TPR: variants seen among roughly 807,000 people sequenced by gnomAD.
TPR encodes the protein nucleoprotein TPR.
TPR carries 51 observed loss-of-function variants against 316.1 expected under a neutral mutation model. The ratio of observed to expected loss-of-function variants is 0.16; its 90% confidence interval spans 0.13 to 0.20. TPR has a LOEUF of 0.20. Among genes scored for constraint, TPR ranks in the 10% least tolerant of loss-of-function variants. The probability of loss-of-function intolerance (pLI) is 1.00; values close to 1 mark genes in which losing one functional copy is unlikely to be tolerated. For missense variants in TPR, 2,272 were observed against 2,754.8 expected, an observed-to-expected ratio of 0.82 and a Z score of 3.92; for synonymous variants, 981 against 914.7, an observed-to-expected ratio of 1.07 and a Z score of -1.31.
In TPR at chr1:186,341,238, A is replaced by T. The variant is rs755923658; in HGVS notation, c.3888+14T>A. 1 of 1,613,440 alleles carries T rather than the reference A, an allele frequency of 6.2e-7. No homozygotes were observed. The highest frequency in any genetic ancestry group is 1.1e-5 in the South Asian group (1 of 90,882). On this transcript the variant is annotated intron_variant, in intron 28 of 50. Transcript: ENST00000367478. ...AAACAACATGCTTCCACTCTTGATA[A>T]CTAAGCAACAAACCTTTGCTTGCAT...
chr1:186,351,362 C>G lies in TPR; in HGVS notation c.2578G>C (p.Glu860Gln). Residue 860 changes from glutamate (E) to glutamine (Q), a missense_variant, in exon 20 of 51, where the codon GAA becomes CAA. Coordinates refer to ENST00000367478, the MANE Select transcript of TPR (RefSeq NM_003292.3). ...HLKKKLENEV[E>Q]QRHTLTRNLD... The stretch of plus-strand genomic sequence containing the variant: ...TTTCTAGTAAGTGTATGCCTTTGTT[C>G]CACCTCATTTTCCAACTTCTTCTTT... 1 of 1,612,066 alleles carries G rather than the reference C, an allele frequency of 6.2e-7. No homozygotes were observed. The highest frequency in any genetic ancestry group is 8.5e-7 in the Non-Finnish European group (1 of 1,179,164).
At chr1:186,361,589 A>G in intron 9 of TPR, 33 bp downstream of exon 9, 1 of 1,603,230 alleles carries the variant, frequency 6.2e-7, no homozygotes, top group Non-Finnish European at 8.5e-7. Flanking sequence ...GTACAATAAC[A>G]AAAATAATGT....
rs377746003 is a variant in TPR, at chr1:186,347,380, T to G, written c.2855A>C (p.Lys952Thr). 1.9e-6 allele frequency: 3 copies of G among 1,613,960 alleles called. No homozygotes were observed. The highest frequency in any genetic ancestry group is 2.5e-6 in the Non-Finnish European group (3 of 1,179,990). The change falls in exon 22 of 51, where the codon AAG becomes ACG. Residue 952 changes from lysine to threonine, a missense_variant. By Grantham distance (78) the Lys-to-Thr change is moderately conservative. Transcript: ENST00000367478. ...RQTEEQVNDL[K>T]ERLKTSTSNV... ...GCTCGTACTTGTTTTGAGTCTCTCCTTTAAGTCATTCACCTGCTCTTCTGT... is the reference window on the plus strand; with the variant it reads ...GCTCGTACTTGTTTTGAGTCTCTCCGTTAAGTCATTCACCTGCTCTTCTGT...
chr1:186,339,691 T>C lies in TPR; in HGVS notation c.4102A>G (p.Ile1368Val), dbSNP rs199705968. ...LSEKEVHTKR[I>V]QQLTEEIGRL... ...CCAATTTCTTCTGTCAATTGTTGAA[T>C]ACGCTTAGTATGAACTTCCTTTTCA... is the stretch of plus-strand genomic sequence containing the variant. The change falls in exon 30 of 51, where the codon ATT (isoleucine) becomes GTT (valine). Residue 1368 changes from isoleucine (I) to valine (V), a missense_variant. By Grantham distance (29) the Ile-to-Val change is conservative. Transcript: ENST00000367478. 2.5e-6 allele frequency: 4 copies of C among 1,599,506 alleles called. No homozygotes were observed. Among genetic ancestry groups the C allele is most frequent in the East Asian group, 2.3e-5 (1 of 43,970 alleles).
chr1:186,313,133 T>G lies in TPR; in HGVS notation c.*838A>C, dbSNP rs539138917. 19 of 523,254 alleles carry G rather than the reference T, an allele frequency of 3.6e-5. No individual in the cohort carries two copies. Among genetic ancestry groups the G allele is most frequent in the African/African-American group, 3.6e-4 (19 of 52,754 alleles). 32.4% of individuals were successfully genotyped at this position (523,254 alleles called of 1,614,324 possible). The stretch of plus-strand genomic sequence containing the variant: ...ACGATAAAACATCCAGTTACTAGAG[T>G]AAACTTGCTACTGACAATAGTATTT... On this transcript the variant is annotated 3_prime_UTR_variant, in exon 51 of 51. Transcript: ENST00000367478.
At position 186,333,155 on chromosome 1, in the gene TPR, G is replaced by A. The variant is rs1405904496; in HGVS notation, c.5422C>T (p.Arg1808Trp). The change falls in exon 37 of 51, where the codon CGG becomes TGG. Residue 1808 changes from arginine (R) to tryptophan (W), a missense_variant. Arg to Trp is a moderately radical substitution (Grantham distance 101). Transcript: ENST00000367478. Reference sequence around the variant, plus strand: ...AATACTGCTGTGGAAGTAGAAGGCCGCTCAACTGGTGAACTCTGAACAACC... The same window carrying A: ...AATACTGCTGTGGAAGTAGAAGGCCACTCAACTGGTGAACTCTGAACAACC... ...VEVVQSSPVE[R>W]PSTSTAVFGT... The A allele has an allele frequency of 4.3e-6, 7 of 1,613,388 alleles. No individual in the cohort carries two copies. The East Asian group carries it at 8.9e-5, about 21-fold the overall frequency.
intron 39 of TPR, among the ~76,000 whole-genome samples, chr1:186,331,051 G>A (rs931528945): frequency 1.3e-5 from 2 of 151,958 alleles, no homozygotes; most frequent in African/African-American, 4.8e-5. Context: ...AAACTGCTAG[G>A]GGAACCTCAA....
intron 39 of TPR, among the ~76,000 whole-genome samples, chr1:186,330,637 AC>A (rs1658131494): frequency 6.6e-6 from 1 of 152,054 alleles, no homozygotes; most frequent in Non-Finnish European, 1.5e-5. Flanking sequence ...TGTAATAAGG[AC>A]CCTGTGAGGC....
rs528408399 is a variant in TPR, at chr1:186,314,198, GAC to G, written c.7037-174_7037-173del. On this transcript the variant is annotated intron_variant, in intron 50 of 50. Coordinates refer to ENST00000367478, the MANE Select transcript of TPR (RefSeq NM_003292.3). ...CAAGCAGATTAATCCCTCTTTTTGT[GAC>G]ACAAGTACAATCTAAAAGTTATATT... 6.4e-4 allele frequency: 370 copies of G among 577,044 alleles called. 4 individuals are homozygous for G. In the East Asian group the frequency reaches 0.011, roughly 17 times the overall value. 35.7% of individuals were successfully genotyped at this position (577,044 alleles called of 1,614,324 possible).
chr1:186,347,537 T>C (rs1658721540), intron 21 of TPR, 79 bp from the exon 22 acceptor site: 10 of 1,427,200 alleles, frequency 7.0e-6, no homozygotes, highest in Non-Finnish European at 9.4e-6. Context: ...CTTATGAAAT[T>C]AGCATTAAGG....
chr1:186,364,160 T>C (rs1233712786), intron 4 of TPR, among the ~76,000 whole-genome samples: 2 of 152,194 alleles, frequency 1.3e-5, no homozygotes, highest in African/African-American at 4.8e-5. Flanking sequence ...TTTTTGCATA[T>C]TTGTCATTGT....
intron 35 of TPR, 61 bp from the exon 36 acceptor site, chr1:186,334,594 AAC>A (rs1430080980): frequency 2.0e-6 from 3 of 1,533,140 alleles, no homozygotes; most frequent in Non-Finnish European, 2.7e-6. Context: ...TACTTTTAAA[AAC>A]ACAGTGAGTA....
chr1:186,336,441 C>T (rs989981791), intron 33 of TPR, 55 bp downstream of exon 33: 1 of 1,559,944 alleles, frequency 6.4e-7, no homozygotes. Flanking sequence ...AGTTTTAGGC[C>T]TGCAACACAT....
At chr1:186,349,518 T>G (rs1658788036) in intron 21 of TPR, among the ~76,000 whole-genome samples, 1 of 150,598 alleles carries the variant, frequency 6.6e-6, no homozygotes, top group South Asian at 2.1e-4. Context: ...AAATGAGCTG[T>G]GCGTTGTGGC....
At chr1:186,367,804 A>T (rs1659392965) in intron 4 of TPR, 82 bp downstream of exon 4, 1 of 934,816 alleles carries the variant, frequency 1.1e-6, no homozygotes, top group East Asian at 2.5e-5. Context: ...TCAGCAACAG[A>T]AATGGGCTGA....
Position 186,365,842 on chromosome 1 carries a change from C to T in TPR, c.427+2044G>A, listed in dbSNP as rs149047609. ...AAGTGGGATGAAGGGTTTCAAGATA[C>T]GGACCTTGGAGAAATCCAAGAGCTA... On this transcript the variant is annotated intron_variant, in intron 4 of 50. Transcript: ENST00000367478. Among the ~76,000 whole-genome samples the T allele has an allele frequency of 5.9e-5, 9 of 152,292 alleles. No individual in the cohort carries two copies. The East Asian group carries it at 1.2e-3, about 20-fold the overall frequency.
chr1:186,325,284 A>C (rs1234590436), intron 42 of TPR, among the ~76,000 whole-genome samples: 1 of 152,188 alleles, frequency 6.6e-6, no homozygotes, highest in African/African-American at 2.4e-5. Context: ...TTTAATGCCC[A>C]CAACTTTTCA....
chr1:186,319,423 TACAAAGTAATTA>T lies in TPR; in HGVS notation c.6569-607_6569-596del, dbSNP rs544025539. Reference sequence around the variant, plus strand: ...TGAGTATCCAACTATGGATGTTAATTACAAAGTAATTAACAAAGTAATTACCAAGGTTACTAA... The same window carrying T: ...TGAGTATCCAACTATGGATGTTAATTACAAAGTAATTACCAAGGTTACTAA... On this transcript the variant is annotated intron_variant, in intron 46 of 50. Coordinates refer to ENST00000367478, the MANE Select transcript of TPR (RefSeq NM_003292.3). Among the ~76,000 whole-genome samples, 444 of 152,304 alleles carry T rather than the reference TACAAAGTAATTA, an allele frequency of 2.9e-3. 2 individuals carry two copies. The highest frequency in any genetic ancestry group is 4.3e-3 in the Non-Finnish European group (295 of 68,018).
intron 21 of TPR, 100 bp downstream of exon 21, chr1:186,350,123 A>G (rs1162051315): frequency 8.8e-7 from 1 of 1,135,100 alleles, no homozygotes; most frequent in African/African-American, 1.6e-5. Context: ...TCATTTTACT[A>G]GCATTCACAA....
Sources: allele counts gnomAD v4.1 joint callset (sites outside exome capture counted in the v4.1 genomes callset), GRCh38; gene constraint gnomAD v4.1.1; transcripts MANE v1.5; gene names NCBI Gene and HGNC (gene_info 2026-07-23, HGNC 2026-07-21).